COPG2: variants seen among roughly 807,000 people sequenced by gnomAD.
COPG2 encodes coat protein complex I subunit gamma 2, also known as coatomer subunit gamma-2.
In COPG2, 37 loss-of-function variants were observed where a neutral mutation model predicts 46.3. The ratio of observed to expected loss-of-function variants is 0.80; its 90% confidence interval spans 0.61 to 1.05. The LOEUF (loss-of-function observed/expected upper bound fraction) is 1.05, where lower values mean the gene tolerates loss of function less well. Among genes scored for constraint, COPG2 ranks in the 50% least tolerant of loss-of-function variants. COPG2 has a pLI of 0.00. For synonymous variants in COPG2, 159 were observed against 129.7 expected (o/e 1.23, Z -1.53); for missense variants, 427 against 387.8 (o/e 1.10, Z -0.85).
intron 3 of COPG2, among the ~76,000 whole-genome samples, chr7:130,663,730 CTTTTTTTTTT>C (rs71178602): frequency 3.0e-5 from 2 of 67,158 alleles, no homozygotes; most frequent in African/African-American, 1.2e-4. Flanking sequence ...CATTTCTTTT[CTTTTTTTTTT>C]TTTTTTTTTT....
chr7:130,610,791 A>G, intron 9 of COPG2, 162 bp downstream of exon 9: 2 of 739,926 alleles, frequency 2.7e-6, no homozygotes, highest in East Asian at 5.2e-5. Context: ...AGGTTAAAAA[A>G]AGTGTGACTT....
At position 130,645,390 on chromosome 7, in the gene COPG2, C is replaced by T. The variant is rs1359722326; in HGVS notation, c.323+7479G>A. 4 of 531,378 alleles carry T rather than the reference C, an allele frequency of 7.5e-6. No homozygotes were observed. In the East Asian group the frequency reaches 2.1e-4, roughly 27 times the overall value. The allele number at this position is 531,378 out of a possible 1,614,324, so 32.9% of individuals were successfully genotyped here. On this transcript the variant is annotated intron_variant, in intron 5 of 23. Transcript: ENST00000425248. ...ATAGACATCTGCCCTCCAGGACCGA[C>T]TCCATGGGCTCCACCCGTCGGTGTC...
At chr7:130,513,306 A>ATATATATAT (rs1262964518) in intron 20 of COPG2, among the ~76,000 whole-genome samples, 6 of 48,998 alleles carry the variant, frequency 1.2e-4, no homozygotes, top group African/African-American at 3.6e-4. Context: ...AAAAAAAAAA[A>ATATATATAT]AAATATATAT....
intron 20 of COPG2, among the ~76,000 whole-genome samples, chr7:130,539,936 T>C (rs1340475371): frequency 6.7e-6 from 1 of 149,892 alleles, no homozygotes; most frequent in African/African-American, 2.5e-5. Context: ...TGGACAGCAA[T>C]GGGCAGGAAG....
intron 6 of COPG2, among the ~76,000 whole-genome samples, chr7:130,616,316 T>G (rs2116513057): frequency 6.6e-6 from 1 of 152,292 alleles, no homozygotes; most frequent in East Asian, 1.9e-4. Context: ...AATACAGTAT[T>G]TTGAGATTTC....
chr7:130,506,371 G>A lies in COPG2; in HGVS notation c.*305C>T, dbSNP rs1272438038. 2.4e-5 allele frequency: 3 copies of A among 124,808 alleles called. No individual in the cohort carries two copies. Among genetic ancestry groups the A allele is most frequent in the African/African-American group, 9.7e-5 (3 of 31,028 alleles). The allele number at this position is 124,808 out of a possible 1,614,324, so 7.7% of individuals were successfully genotyped here. On this transcript the variant is annotated 3_prime_UTR_variant, in exon 24 of 24. Coordinates refer to ENST00000425248, the MANE Select transcript of COPG2 (RefSeq NM_012133.6). ...TTCCAGCATTGCCAGGAGCTTTCAG[G>A]TACACATTAAAGAATAAAATGAAGT...
intron 20 of COPG2, among the ~76,000 whole-genome samples, chr7:130,521,416 C>T (rs1255264583): frequency 2.0e-5 from 3 of 152,154 alleles, no homozygotes; most frequent in African/African-American, 4.8e-5. Context: ...GAAGAAATAC[C>T]GAAAGGGACT....
At chr7:130,651,492 GTATTTTTTTTT>G (rs1795741600) in intron 5 of COPG2, among the ~76,000 whole-genome samples, 3 of 30,802 alleles carry the variant, frequency 9.7e-5, no homozygotes, top group South Asian at 9.9e-4. Context: ...TAATTTTTTT[GTATTTTTTTTT>G]TTTTTTTTTT....
intron 9 of COPG2, among the ~76,000 whole-genome samples, chr7:130,587,797 T>C (rs1233612733): frequency 4.6e-5 from 7 of 151,970 alleles, no homozygotes; most frequent in Non-Finnish European, 1.0e-4. Flanking sequence ...ACAAATGGGA[T>C]CTAATTAAAC....
chr7:130,582,029 A>G (rs1169296368), intron 9 of COPG2, among the ~76,000 whole-genome samples: 1 of 152,128 alleles, frequency 6.6e-6, no homozygotes, highest in Non-Finnish European at 1.5e-5. Context: ...AAAAGGGCCC[A>G]CATCACCAAG....
intron 20 of COPG2, among the ~76,000 whole-genome samples, chr7:130,532,682 G>A (rs1209344034): frequency 6.6e-6 from 1 of 152,162 alleles, no homozygotes; most frequent in Non-Finnish European, 1.5e-5. Flanking sequence ...TGGTGTGAGA[G>A]AGAAGGGTGT....
rs73724340 is a variant in COPG2 at position 130,511,091 on chromosome 7, G to C, written c.2150-2432C>G. The C allele has an allele frequency of 1.8e-3, 771 of 434,476 alleles. 5 individuals are homozygous for C. Among genetic ancestry groups the C allele is most frequent in the African/African-American group, 0.015 (736 of 49,424 alleles). The allele number at this position is 434,476 out of a possible 1,614,324, so 26.9% of individuals were successfully genotyped here. ...ATTAGAGAAAAGATAGATGCTGGCA[G>C]CTAAGACAGGAGAGGGACATGTGAG... is the stretch of plus-strand genomic sequence containing the variant. On this transcript the variant is annotated intron_variant, in intron 20 of 23. Coordinates refer to ENST00000425248, the MANE Select transcript of COPG2 (RefSeq NM_012133.6).
chr7:130,601,911 G>A (rs902322666), intron 9 of COPG2, among the ~76,000 whole-genome samples: 8 of 151,728 alleles, frequency 5.3e-5, no homozygotes, highest in Non-Finnish European at 7.4e-5. Context: ...AGGAAGGAGG[G>A]AAGGCTCTCA....
chr7:130,553,733 A>G (rs1793571287), intron 14 of COPG2, among the ~76,000 whole-genome samples: 1 of 152,246 alleles, frequency 6.6e-6, no homozygotes, highest in African/African-American at 2.4e-5. Context: ...CTTACAGAGA[A>G]CTAATATTTT....
intron 9 of COPG2, among the ~76,000 whole-genome samples, chr7:130,585,873 T>G (rs1478038694): frequency 6.6e-6 from 1 of 152,080 alleles, no homozygotes; most frequent in Non-Finnish European, 1.5e-5. Context: ...CTGGTGGGAA[T>G]GTAAACTAGT....
chr7:130,513,343 G>A (rs574140002), intron 20 of COPG2, among the ~76,000 whole-genome samples: 3,867 of 46,122 alleles, frequency 0.084, 208 homozygotes, highest in South Asian at 0.13. Context: ...ATATATATAT[G>A]TGTGTGTGTG....
At chr7:130,608,141 T>C (rs1794772433) in intron 9 of COPG2, 1 of 395,816 alleles carries the variant, frequency 2.5e-6, no homozygotes, top group Non-Finnish European at 4.9e-6. Flanking sequence ...TTGTTAGTTA[T>C]AATATTCATC....
intron 5 of COPG2, among the ~76,000 whole-genome samples, chr7:130,619,233 C>T (rs1292826705): frequency 6.6e-6 from 1 of 152,144 alleles, no homozygotes; most frequent in South Asian, 2.1e-4. Flanking sequence ...TGAAATATAG[C>T]TAGTGTGACT....
chr7:130,577,419 G>A (rs910932606), intron 9 of COPG2, among the ~76,000 whole-genome samples: 3 of 152,202 alleles, frequency 2.0e-5, no homozygotes, highest in Non-Finnish European at 2.9e-5. Context: ...GACGCACCTG[G>A]AAAATCGGGT....
Sources: allele counts gnomAD v4.1 joint callset (sites outside exome capture counted in the v4.1 genomes callset), GRCh38; gene constraint gnomAD v4.1.1; transcripts MANE v1.5; gene names NCBI Gene and HGNC (gene_info 2026-07-23, HGNC 2026-07-21).